The following RAB2A variants were observed in gnomAD, a reference collection of about 807,000 sequenced individuals.
RAB2A encodes the protein ras-related protein Rab-2A.
RAB2A carries 7 observed loss-of-function variants against 32.5 expected under a neutral mutation model. The observed-to-expected ratio is 0.22, with a 90% CI of 0.12 to 0.40. The LOEUF is 0.40. Among genes scored for constraint, RAB2A ranks in the 10% least tolerant of loss-of-function variants. The pLI is 1.00. For missense variants in RAB2A, 108 were observed against 260.7 expected (o/e 0.41, Z 4.03); for synonymous variants, 79 against 85.2 (o/e 0.93, Z 0.40).
intron 1 of RAB2A, among the ~76,000 whole-genome samples, chr8:60,547,602 C>T (rs1586074295): frequency 6.5e-5 from 8 of 123,616 alleles, no homozygotes; most frequent in East Asian, 2.8e-4. Flanking sequence ...TAGGGGCGGC[C>T]GGGCAGAGGC....
chr8:60,603,963 T>C (rs1804180970), intron 6 of RAB2A, among the ~76,000 whole-genome samples: 1 of 152,182 alleles, frequency 6.6e-6, no homozygotes, highest in Non-Finnish European at 1.5e-5. Context: ...TGGATCTGTG[T>C]CCCTGCCCAA....
chr8:60,589,315 G>A (rs1156807521), intron 5 of RAB2A, among the ~76,000 whole-genome samples: 1 of 152,158 alleles, frequency 6.6e-6, no homozygotes, highest in Non-Finnish European at 1.5e-5. Context: ...TCGTAGGTGG[G>A]TGACCTTTAA....
At chr8:60,517,576 AC>A (rs1201007299) in intron 1 of RAB2A, among the ~76,000 whole-genome samples, 5 of 152,006 alleles carry the variant, frequency 3.3e-5, no homozygotes, top group Admixed American at 2.0e-4. Context: ...ACATGACTGC[AC>A]CCCACCCCCA....
chr8:60,531,365 T>C (rs913807421), intron 1 of RAB2A, among the ~76,000 whole-genome samples: 1 of 152,236 alleles, frequency 6.6e-6, no homozygotes, highest in Non-Finnish European at 1.5e-5. Context: ...GTGACCTCAG[T>C]AAAGTTCATA....
chr8:60,609,264 A>G (rs1386447904), intron 6 of RAB2A, among the ~76,000 whole-genome samples: 3 of 152,304 alleles, frequency 2.0e-5, no homozygotes, highest in African/African-American at 7.2e-5. Flanking sequence ...CTCCAAGGGT[A>G]TGGTTAAGTC....
At chr8:60,570,528 C>G (rs2130839345) in intron 2 of RAB2A, among the ~76,000 whole-genome samples, 1 of 152,120 alleles carries the variant, frequency 6.6e-6, no homozygotes, top group South Asian at 2.1e-4. Context: ...TGGCACAGAA[C>G]AGATATGAAT....
chr8:60,555,435 A>C (rs1422602176), intron 1 of RAB2A, among the ~76,000 whole-genome samples: 3 of 152,212 alleles, frequency 2.0e-5, no homozygotes, highest in Non-Finnish European at 4.4e-5. Context: ...ATAGAGTGAA[A>C]ACACAACTTT....
chr8:60,557,366 A>T (rs1272765580), intron 1 of RAB2A, among the ~76,000 whole-genome samples: 1 of 152,062 alleles, frequency 6.6e-6, no homozygotes, highest in Non-Finnish European at 1.5e-5. Flanking sequence ...AGATACAAAA[A>T]TTAATCGGGC....
At chr8:60,598,786 G>A (rs1042941293) in intron 6 of RAB2A, among the ~76,000 whole-genome samples, 1 of 151,424 alleles carries the variant, frequency 6.6e-6, no homozygotes, top group African/African-American at 2.4e-5. Context: ...TAAAGAGCAC[G>A]TGAACACACA....
At chr8:60,521,764 G>C (rs1807305754) in intron 1 of RAB2A, among the ~76,000 whole-genome samples, 1 of 152,118 alleles carries the variant, frequency 6.6e-6, no homozygotes, top group Non-Finnish European at 1.5e-5. Flanking sequence ...GGGATTACAG[G>C]CGTCTGCCCC....
intron 6 of RAB2A, among the ~76,000 whole-genome samples, chr8:60,601,797 C>T (rs1025807846): frequency 2.6e-5 from 4 of 152,218 alleles, no homozygotes; most frequent in Non-Finnish European, 1.5e-5. Flanking sequence ...GGACAATACA[C>T]TTTTATTCAT....
chr8:60,562,569 T>G (rs1808040313), intron 2 of RAB2A, among the ~76,000 whole-genome samples: 2 of 150,976 alleles, frequency 1.3e-5, no homozygotes, highest in Non-Finnish European at 3.0e-5. Flanking sequence ...ATAAAGTGAA[T>G]GTAAATGTGC....
chr8:60,575,062 G>A (rs928106276), intron 3 of RAB2A, among the ~76,000 whole-genome samples: 13 of 145,420 alleles, frequency 8.9e-5, no homozygotes, highest in Non-Finnish European at 2.0e-4. Context: ...TGTCTTACAG[G>A]TTTTCCTCTT....
intron 1 of RAB2A, chr8:60,558,612 A>G (rs1160595190): frequency 9.2e-6 from 5 of 541,722 alleles, no homozygotes; most frequent in Non-Finnish European, 1.7e-5. Context: ...TGCCATATTT[A>G]TCTTTCACAT....
chr8:60,584,623 A>G (rs1803818992), intron 4 of RAB2A, 100 bp from the exon 5 acceptor site: 1 of 934,608 alleles, frequency 1.1e-6, no homozygotes, highest in African/African-American at 1.7e-5. Context: ...ACATAAGTGG[A>G]TATGGCTAAA....
At chr8:60,589,518 G>A (rs1803901323) in intron 5 of RAB2A, among the ~76,000 whole-genome samples, 1 of 152,058 alleles carries the variant, frequency 6.6e-6, no homozygotes, top group African/African-American at 2.4e-5. Flanking sequence ...TTCTTACTAT[G>A]GCATTTTATT....
chr8:60,536,946 ATC>A (rs1427755841), intron 1 of RAB2A, among the ~76,000 whole-genome samples: 1 of 152,170 alleles, frequency 6.6e-6, no homozygotes, highest in Non-Finnish European at 1.5e-5. Flanking sequence ...TTTTCCTTTC[ATC>A]TCTGTCCTCG....
intron 6 of RAB2A, among the ~76,000 whole-genome samples, chr8:60,608,363 T>C (rs1470677151): frequency 6.6e-6 from 1 of 152,156 alleles, no homozygotes; most frequent in Non-Finnish European, 1.5e-5. Context: ...TTGGGAATAT[T>C]TGATACTTTT....
chr8:60,559,947 T>C (rs1383953430), intron 2 of RAB2A, among the ~76,000 whole-genome samples: 1 of 152,222 alleles, frequency 6.6e-6, no homozygotes, highest in Non-Finnish European at 1.5e-5. Context: ...GTATAGTACT[T>C]TGTGGATATA....
Sources: gnomAD v4.1 joint callset for allele counts (sites outside exome capture counted in the v4.1 genomes callset) on GRCh38, gnomAD v4.1.1 for gene constraint, MANE v1.5 for transcripts, NCBI Gene and HGNC (gene_info 2026-07-23, HGNC 2026-07-21) for gene names.